UST: variants seen among roughly 807,000 people sequenced by gnomAD.
The protein encoded by UST is uronyl 2-sulfotransferase, also known as chondroitin sulfate 2-O-sulfotransferase.
A neutral mutation model predicts 45.6 loss-of-function variants in UST; 21 were observed. The ratio of observed to expected loss-of-function variants is 0.46; its 90% CI spans 0.33 to 0.66. The LOEUF is 0.66. Ranked by LOEUF, UST falls within the 30% of genes least tolerant of loss-of-function variation. The pLI is 0.02. For missense variants in UST, 463 were observed against 512.4 expected (o/e 0.90, Z 0.93); for synonymous variants, 215 against 200.6 (o/e 1.07, Z -0.61).
At chr6:148,865,531 A>AAC (rs764923111) in intron 1 of UST, among the ~76,000 whole-genome samples, 1 of 146,792 alleles carries the variant, frequency 6.8e-6, no homozygotes, top group African/African-American at 2.4e-5. Context: ...ATGTTTTAAA[A>AAC]AGAGAGAGAG....
intron 1 of UST, among the ~76,000 whole-genome samples, chr6:148,850,732 G>A (rs911928744): frequency 6.6e-6 from 1 of 152,190 alleles, no homozygotes; most frequent in Non-Finnish European, 1.5e-5. Flanking sequence ...GAAAAATGAT[G>A]GAAAGAGATG....
intron 1 of UST, among the ~76,000 whole-genome samples, chr6:148,861,226 G>C (rs2114800259): frequency 6.6e-6 from 1 of 152,310 alleles, no homozygotes; most frequent in East Asian, 1.9e-4. Context: ...TAGTCTTGGG[G>C]AGGGTGTATG....
At chr6:148,823,888 A>G (rs1463574758) in intron 1 of UST, among the ~76,000 whole-genome samples, 1 of 152,202 alleles carries the variant, frequency 6.6e-6, no homozygotes, top group Non-Finnish European at 1.5e-5. Flanking sequence ...CTAGTCTTCC[A>G]CTATTTGTCT....
chr6:148,937,776 G>GA (rs1780051030), intron 2 of UST, among the ~76,000 whole-genome samples: 2 of 152,086 alleles, frequency 1.3e-5, no homozygotes, highest in African/African-American at 4.8e-5. Context: ...TATGAGACGG[G>GA]AAAAAATGCA....
chr6:148,779,130 A>C, intron 1 of UST, among the ~76,000 whole-genome samples: 1 of 150,344 alleles, frequency 6.7e-6, no homozygotes. Context: ...TTTTTTTTCA[A>C]CCAGAAAGTA....
chr6:149,023,094 GTTC>G (rs1562332095), intron 7 of UST, among the ~76,000 whole-genome samples: 2 of 125,684 alleles, frequency 1.6e-5, no homozygotes, highest in Non-Finnish European at 1.6e-5. Context: ...GCTTTATCTT[GTTC>G]TATGGTGTGT....
intron 1 of UST, among the ~76,000 whole-genome samples, chr6:148,857,639 A>G (rs975433448): frequency 1.3e-5 from 2 of 151,960 alleles, no homozygotes; most frequent in African/African-American, 4.8e-5. Context: ...CATGGTGAAG[A>G]TTCCAGGTGG....
chr6:148,831,182 A>C (rs976425003), intron 1 of UST, among the ~76,000 whole-genome samples: 2 of 152,280 alleles, frequency 1.3e-5, no homozygotes, highest in South Asian at 2.1e-4. Context: ...TCTTTCTCAC[A>C]GACTAGACCA....
At chr6:148,956,392 A>C (rs1233028349) in intron 4 of UST, among the ~76,000 whole-genome samples, 2 of 151,960 alleles carry the variant, frequency 1.3e-5, no homozygotes, top group Admixed American at 6.5e-5. Context: ...AGAAATGAGG[A>C]AGATGCAAAA....
chr6:149,033,206 CA>C (rs1341519985), intron 7 of UST, among the ~76,000 whole-genome samples: 2 of 152,204 alleles, frequency 1.3e-5, no homozygotes, highest in Admixed American at 1.3e-4. Flanking sequence ...GAGCACTAGA[CA>C]AAGGATTTCA....
chr6:148,764,708 C>T (rs769192669), intron 1 of UST, among the ~76,000 whole-genome samples: 4 of 152,116 alleles, frequency 2.6e-5, no homozygotes, highest in Non-Finnish European at 5.9e-5. Flanking sequence ...GGAGGGAGTG[C>T]ATGAATAGGG....
chr6:148,909,439 G>C (rs1308912339), intron 2 of UST, among the ~76,000 whole-genome samples: 1 of 152,132 alleles, frequency 6.6e-6, no homozygotes, highest in African/African-American at 2.4e-5. Context: ...GTAGATGTTT[G>C]ATTTTTTAAT....
At chr6:149,022,398 G>A (rs1050529107) in intron 7 of UST, among the ~76,000 whole-genome samples, 6 of 151,994 alleles carry the variant, frequency 3.9e-5, no homozygotes, top group Non-Finnish European at 5.9e-5. Context: ...TCAGGAGTTC[G>A]AGACCAGCCT....
At chr6:149,030,816 T>C (rs145956793) in intron 7 of UST, among the ~76,000 whole-genome samples, 42 of 152,224 alleles carry the variant, frequency 2.8e-4, no homozygotes, top group Non-Finnish European at 4.4e-4. Context: ...AAAAAAATAA[T>C]TTTGAGAATA....
intron 5 of UST, among the ~76,000 whole-genome samples, chr6:148,982,048 C>A (rs144341443): frequency 3.1e-3 from 467 of 151,844 alleles, no homozygotes; most frequent in Middle Eastern, 6.9e-3. Context: ...GCTATGTCTT[C>A]ACACTGAAAA....
At chr6:148,878,511 CGG>C (rs1455260320) in intron 1 of UST, among the ~76,000 whole-genome samples, 2 of 68,710 alleles carry the variant, frequency 2.9e-5, no homozygotes, top group African/African-American at 1.2e-4. Context: ...TGTATGAGTG[CGG>C]GGATCGTGTA....
intron 1 of UST, among the ~76,000 whole-genome samples, chr6:148,767,226 C>G (rs1246551360): frequency 1.3e-5 from 2 of 152,208 alleles, no homozygotes; most frequent in Admixed American, 1.3e-4. Context: ...TGCTATTAAG[C>G]ATTTCATAGA....
intron 2 of UST, among the ~76,000 whole-genome samples, chr6:148,926,498 T>C (rs1182749314): frequency 6.6e-6 from 1 of 152,216 alleles, no homozygotes; most frequent in Admixed American, 6.5e-5. Context: ...CTTATCTTCG[T>C]TCTCTGTCTT....
intron 1 of UST, among the ~76,000 whole-genome samples, chr6:148,828,726 T>C (rs1448118069): frequency 1.3e-5 from 2 of 152,252 alleles, no homozygotes; most frequent in Non-Finnish European, 2.9e-5. Context: ...TTATTATTAT[T>C]ATTAAGCTTT....
Sources: gnomAD v4.1 joint callset for allele counts (sites outside exome capture counted in the v4.1 genomes callset) on GRCh38, gnomAD v4.1.1 for gene constraint, MANE v1.5 for transcripts, NCBI Gene and HGNC (gene_info 2026-07-23, HGNC 2026-07-21) for gene names.